RABGAP1L: variants seen among roughly 807,000 people sequenced by gnomAD.
The protein encoded by RABGAP1L is RAB GTPase activating protein 1 like.
Under a neutral mutation model 137.7 loss-of-function variants are expected in RABGAP1L, and 63 were observed. That is an observed-to-expected ratio of 0.46 (90% CI 0.37 to 0.56). RABGAP1L has a LOEUF of 0.56. Among genes scored for constraint, RABGAP1L ranks in the 20% least tolerant of loss-of-function variants. The probability of loss-of-function intolerance (pLI) is 0.00; values close to 1 mark genes in which losing one functional copy is unlikely to be tolerated. For missense variants in RABGAP1L, 1,095 were observed against 1,244.0 expected (o/e 0.88, Z 1.80); for synonymous variants, 431 against 433.7 (o/e 0.99, Z 0.08).
At chr1:174,215,114 T>A (rs1473611246) in intron 1 of RABGAP1L, among the ~76,000 whole-genome samples, 1 of 152,164 alleles carries the variant, frequency 6.6e-6, no homozygotes, top group African/African-American at 2.4e-5. Flanking sequence ...ATAACCAGAA[T>A]ATATAAGGAG....
chr1:174,732,210 A>AAG (rs1553243473), intron 17 of RABGAP1L, among the ~76,000 whole-genome samples: 10 of 151,776 alleles, frequency 6.6e-5, no homozygotes. Flanking sequence ...CCAAAAAAAA[A>AAG]AAACATGGAT....
chr1:174,724,889 G>C (rs902323419), intron 17 of RABGAP1L, among the ~76,000 whole-genome samples: 1 of 152,128 alleles, frequency 6.6e-6, no homozygotes, highest in African/African-American at 2.4e-5. Flanking sequence ...TCTAAGAGAC[G>C]AGTAGGAGAA....
chr1:174,368,896 T>C (rs1469066847), intron 11 of RABGAP1L, among the ~76,000 whole-genome samples: 1 of 152,222 alleles, frequency 6.6e-6, no homozygotes. Context: ...GTCTAATTTT[T>C]ATTATAATCA....
At chr1:174,427,001 G>A (rs1419375601) in intron 13 of RABGAP1L, among the ~76,000 whole-genome samples, 1 of 152,002 alleles carries the variant, frequency 6.6e-6, no homozygotes, top group Admixed American at 6.6e-5. Context: ...AGCCTGTGTT[G>A]TGGTCATCAC....
At chr1:174,639,177 T>G (rs1462169817) in intron 14 of RABGAP1L, among the ~76,000 whole-genome samples, 1 of 152,160 alleles carries the variant, frequency 6.6e-6, no homozygotes, top group Non-Finnish European at 1.5e-5. Context: ...TTTTTCTTAC[T>G]TTTTCTCTCT....
chr1:174,660,958 A>T (rs1057054805), intron 14 of RABGAP1L, among the ~76,000 whole-genome samples: 1 of 152,200 alleles, frequency 6.6e-6, no homozygotes, highest in Non-Finnish European at 1.5e-5. Flanking sequence ...CTAGAAAATA[A>T]GCTATATGAG....
At chr1:174,268,650 A>T (rs1674286569) in intron 7 of RABGAP1L, among the ~76,000 whole-genome samples, 1 of 152,156 alleles carries the variant, frequency 6.6e-6, no homozygotes, top group African/African-American at 2.4e-5. Context: ...GTTTTTAAAA[A>T]ATTAGTTTCA....
At chr1:174,818,408 T>C (rs1444639865) in intron 19 of RABGAP1L, among the ~76,000 whole-genome samples, 1 of 152,180 alleles carries the variant, frequency 6.6e-6, no homozygotes, top group Admixed American at 6.5e-5. Flanking sequence ...TATTGTGCAA[T>C]ATTTAACGAA....
chr1:174,449,037 A>G (rs1655127547), intron 13 of RABGAP1L: 1 of 1,614,012 alleles, frequency 6.2e-7, no homozygotes, highest in Non-Finnish European at 8.5e-7. Context: ...GCAATAAGTA[A>G]TAGTTTTTGT....
intron 24 of RABGAP1L, among the ~76,000 whole-genome samples, chr1:174,987,627 G>A (rs1028168146): frequency 6.6e-6 from 1 of 152,168 alleles, no homozygotes; most frequent in Admixed American, 6.5e-5. Context: ...GATGGGCACG[G>A]TGATGGACAC....
rs1664169663 is a variant in RABGAP1L at position 174,933,289 on chromosome 1, C to T, written c.2341-24168C>T. 3.3e-5 allele frequency among the ~76,000 whole-genome samples: 5 copies of T among 152,248 alleles called. No homozygotes were observed. In the South Asian group the frequency reaches 1.0e-3, roughly 32 times the overall value. On this transcript the variant is annotated intron_variant, in intron 19 of 25. Coordinates refer to ENST00000681986, the MANE Select transcript of RABGAP1L (RefSeq NM_001366446.1). ...AGCCACCTCTTTAATTGTGTGGTTA[C>T]CCTCTTCACCCTGTTAAAATGCTGC...
chr1:174,456,864 A>G (rs569073556), intron 13 of RABGAP1L, among the ~76,000 whole-genome samples: 2 of 152,322 alleles, frequency 1.3e-5, no homozygotes, highest in Admixed American at 6.5e-5. Flanking sequence ...AACAGTTTGT[A>G]GGATGAATCA....
chr1:174,800,832 T>C (rs1310341790), intron 18 of RABGAP1L, among the ~76,000 whole-genome samples: 1 of 152,218 alleles, frequency 6.6e-6, no homozygotes, highest in East Asian at 1.9e-4. Flanking sequence ...AGGCATTCTG[T>C]TATGTATATC....
intron 21 of RABGAP1L, among the ~76,000 whole-genome samples, chr1:174,973,910 G>T (rs902982841): frequency 6.6e-6 from 1 of 151,712 alleles, no homozygotes; most frequent in South Asian, 2.1e-4. Context: ...GAACCAGTGG[G>T]CTGCAGTTAC....
chr1:174,788,147 G>A (rs1347509905), intron 18 of RABGAP1L, among the ~76,000 whole-genome samples: 2 of 152,204 alleles, frequency 1.3e-5, no homozygotes, highest in Admixed American at 6.5e-5. Flanking sequence ...GCATGGTACA[G>A]CTTTAATGTA....
chr1:174,473,961 C>G (rs1658223706), intron 13 of RABGAP1L, among the ~76,000 whole-genome samples: 1 of 152,168 alleles, frequency 6.6e-6, no homozygotes. Context: ...ACTTCTTTGA[C>G]TAACCCCATT....
intron 13 of RABGAP1L, among the ~76,000 whole-genome samples, chr1:174,551,546 C>T (rs1415834018): frequency 2.0e-5 from 3 of 152,070 alleles, no homozygotes; most frequent in Admixed American, 6.6e-5. Flanking sequence ...GCAGTAAGTG[C>T]TCACTTTTGA....
chr1:174,391,132 G>T (rs1687179972), intron 12 of RABGAP1L, among the ~76,000 whole-genome samples: 1 of 152,144 alleles, frequency 6.6e-6, no homozygotes, highest in Non-Finnish European at 1.5e-5. Flanking sequence ...GTGGGGCATG[G>T]AGAGAAGTCA....
At chr1:174,432,041 G>A (rs77877275) in intron 13 of RABGAP1L, among the ~76,000 whole-genome samples, 5,275 of 152,124 alleles carry the variant, frequency 0.035, 120 homozygotes, top group Middle Eastern at 0.088. Context: ...CTGAGGTTTG[G>A]GGTATGGTTG....
Sources: allele counts gnomAD v4.1 joint callset (sites outside exome capture counted in the v4.1 genomes callset), GRCh38; gene constraint gnomAD v4.1.1; transcripts MANE v1.5; gene names NCBI Gene and HGNC (gene_info 2026-07-23, HGNC 2026-07-21).